Variants in NARF observed in about 807,000 individuals in gnomAD.
The protein encoded by NARF is nuclear prelamin A recognition factor.
Under a neutral mutation model 48.0 loss-of-function variants are expected in NARF, and 41 were observed. The ratio of observed to expected loss-of-function variants is 0.85; its 90% confidence interval spans 0.66 to 1.11. The LOEUF is 1.11. Ranked by LOEUF, NARF falls within the 50% of genes least tolerant of loss-of-function variation. The pLI is 0.00. For missense variants in NARF, 613 were observed against 590.2 expected (o/e 1.04, Z -0.40); for synonymous variants, 215 against 225.5 (o/e 0.95, Z 0.42).
At chr17:82,466,942 C>T (rs1264802708) in intron 3 of NARF, among the ~76,000 whole-genome samples, 2 of 151,994 alleles carry the variant, frequency 1.3e-5, no homozygotes, top group African/African-American at 4.8e-5. Context: ...ATCCACCTGC[C>T]TTGGCCTCCC....
In NARF at chr17:82,484,835, A is replaced by T; in HGVS notation, c.856A>T (p.Lys286Ter). 1 of 1,608,432 alleles carries T rather than the reference A, an allele frequency of 6.2e-7. No homozygotes were observed. The highest frequency in any genetic ancestry group is 8.5e-7 in the Non-Finnish European group (1 of 1,177,322). ...DTLFGDLKED[K>*]VTRHDGASSD... ...GAGGTTTGGAGACTTGAAGGAGGAC[A>T]AAGTGACGCGTCATGATGGAGCCAG... The change falls in exon 9 of 11, where the codon AAA becomes TAA. Residue 286 changes from lysine to a stop codon, truncating the protein, a stop_gained. Coordinates refer to ENST00000309794, the MANE Select transcript of NARF (RefSeq NM_012336.4). LOFTEE classifies it high-confidence loss of function.
At position 82,458,833 on chromosome 17, in the gene NARF, G is replaced by T; in HGVS notation, c.27+3G>T. ...AGTGTGAGCACTGCACGCGCAAGGT[G>T]AGCGCCGCGGGCCGGGGAGGCGCGC... On this transcript the variant is annotated splice_donor_region_variant and intron_variant, in intron 1 of 10. Coordinates refer to ENST00000309794, the MANE Select transcript of NARF (RefSeq NM_012336.4). 7.1e-7 allele frequency: 1 copy of T among 1,408,748 alleles called. No individual in the cohort carries two copies. The highest frequency in any genetic ancestry group is 1.6e-5 in the South Asian group (1 of 62,658). 87.3% of individuals were successfully genotyped at this position (1,408,748 alleles called of 1,614,324 possible). A position where few individuals can be genotyped will look rare whatever the true frequency, so the allele number is the denominator to read the frequency against.
At chr17:82,469,389 T>C (rs1386570176) in intron 4 of NARF, among the ~76,000 whole-genome samples, 1 of 152,184 alleles carries the variant, frequency 6.6e-6, no homozygotes, top group Non-Finnish European at 1.5e-5. Context: ...ATAAAAGAAC[T>C]CGGATGTCAA....
In NARF at chr17:82,488,304, C is replaced by A. The variant is rs73369873; in HGVS notation, c.*147C>A. 1,104 of 1,287,096 alleles carry A rather than the reference C, an allele frequency of 8.6e-4. 10 individuals are homozygous for A. In the African/African-American group the frequency reaches 0.015, roughly 18 times the overall value. The allele number at this position is 1,287,096 out of a possible 1,614,324, so 79.7% of individuals were successfully genotyped here. A position where few individuals can be genotyped will look rare whatever the true frequency, so the allele number is the denominator to read the frequency against. ...GGTTTCTCCGAGTTCCCTGCTACCC[C>A]GTTTATTGGAGGCCCCTCAGGCAGT... On this transcript the variant is annotated 3_prime_UTR_variant, in exon 11 of 11. Coordinates refer to ENST00000309794, the MANE Select transcript of NARF (RefSeq NM_012336.4).
Position 82,468,877 on chromosome 17 carries a change from T to C in NARF, c.366T>C (p.Cys122=). 1 of 1,613,936 alleles carries C rather than the reference T, an allele frequency of 6.2e-7. No individual in the cohort carries two copies. Residue 122 remains cysteine, a synonymous_variant, in exon 4 of 11, where the codon TGT becomes TGC. Transcript: ENST00000309794. ...TAACTGATGCATCCAGAAGACTCTG[T>C]GGTTTCCTCAAAAGTCTTGGTGAGT... ...LSVTDASRRL[C]GFLKSLGVHY... is the part of the protein sequence containing the mutation.
intron 4 of NARF, among the ~76,000 whole-genome samples, chr17:82,470,987 A>G (rs1234018310): frequency 6.8e-6 from 1 of 147,680 alleles, no homozygotes; most frequent in Non-Finnish European, 1.5e-5. Flanking sequence ...ACATGGCAAA[A>G]CCCCATCTCC....
chr17:82,482,302 C>A, intron 7 of NARF: 1 of 383,420 alleles, frequency 2.6e-6, no homozygotes, highest in South Asian at 1.8e-5. Flanking sequence ...TAGGCACAGG[C>A]TCCCTGTGGG....
At chr17:82,459,614 C>T (rs774698710) in intron 1 of NARF, among the ~76,000 whole-genome samples, 1 of 152,204 alleles carries the variant, frequency 6.6e-6, no homozygotes, top group African/African-American at 2.4e-5. Flanking sequence ...CCTGTTATCC[C>T]AGCACCTTGG....
chr17:82,480,345 G>T, intron 6 of NARF: 1 of 401,382 alleles, frequency 2.5e-6, no homozygotes, highest in Non-Finnish European at 4.4e-6. Context: ...CTCCATGCTG[G>T]ACCAGCAACA....
chr17:82,475,809 C>T (rs1490606873), intron 5 of NARF, among the ~76,000 whole-genome samples: 1 of 152,144 alleles, frequency 6.6e-6, no homozygotes, highest in African/African-American at 2.4e-5. Context: ...CAGCAATCTG[C>T]TCAGGATTCA....
rs773415913 is a variant in NARF at position 82,484,810 on chromosome 17, G to A, written c.834-3G>A. On this transcript the variant is annotated splice_polypyrimidine_tract_variant and splice_region_variant and intron_variant, in intron 8 of 10. Coordinates refer to ENST00000309794, the MANE Select transcript of NARF (RefSeq NM_012336.4). Reference sequence around the variant, plus strand: ...AGGACTTGTATTTTCTCTGCCTTGTGAGGTTTGGAGACTTGAAGGAGGACA... The same window carrying A: ...AGGACTTGTATTTTCTCTGCCTTGTAAGGTTTGGAGACTTGAAGGAGGACA... 1.3e-6 allele frequency: 2 copies of A among 1,592,664 alleles called. No individual in the cohort carries two copies. The highest frequency in any genetic ancestry group is 3.6e-5 in the Admixed American group (2 of 56,152).
Position 82,485,740 on chromosome 17 carries a change from C to T in NARF, c.1129+86C>T, listed in dbSNP as rs535820672. 8 of 1,499,326 alleles carry T rather than the reference C, an allele frequency of 5.3e-6. No individual in the cohort carries two copies. The East Asian group carries it at 1.6e-4, about 30-fold the overall frequency. 92.9% of individuals were successfully genotyped at this position (1,499,326 alleles called of 1,614,324 possible). ...CTGCAGCTGCCAGAGAGATGGTGCT[C>T]TTGGCCACCCAGAGCCTCTCTCAGC... On this transcript the variant is annotated intron_variant, in intron 10 of 10. Transcript: ENST00000309794.
At chr17:82,477,360 C>T (rs571684555) in intron 5 of NARF, among the ~76,000 whole-genome samples, 5 of 151,918 alleles carry the variant, frequency 3.3e-5, no homozygotes, top group African/African-American at 1.2e-4. Context: ...AAAAATTGGC[C>T]ACACACGGTG....
chr17:82,482,425 C>T (rs2043990073), intron 7 of NARF: 1 of 183,324 alleles, frequency 5.5e-6, no homozygotes, highest in African/African-American at 2.4e-5. Context: ...CAAAATAAAA[C>T]ATGCGCGGTG....
At chr17:82,468,664 G>T in intron 3 of NARF, 100 bp from the exon 4 acceptor site, 4 of 1,122,748 alleles carry the variant, frequency 3.6e-6, no homozygotes, top group South Asian at 1.5e-5. Context: ...TCTTTGCATA[G>T]ACCATCTATT....
At chr17:82,467,388 A>G (rs893048694) in intron 3 of NARF, among the ~76,000 whole-genome samples, 14 of 152,104 alleles carry the variant, frequency 9.2e-5, no homozygotes, top group East Asian at 3.8e-4. Flanking sequence ...TGCGCTGCCA[A>G]CATCTAGTTT....
intron 7 of NARF, among the ~76,000 whole-genome samples, 180 bp downstream of exon 7, chr17:82,481,391 A>G (rs2043961790): frequency 6.6e-6 from 1 of 152,128 alleles, no homozygotes; most frequent in African/African-American, 2.4e-5. Flanking sequence ...GAGAAGGGTC[A>G]TGTTCGATCT....
intron 1 of NARF, chr17:82,459,132 C>T (rs2043364714): frequency 1.2e-5 from 14 of 1,162,640 alleles, no homozygotes; most frequent in Non-Finnish European, 1.5e-5. Context: ...GAGTAAACAG[C>T]GGTCGTGGCG....
rs188741478 is a variant in NARF at position 82,481,241 on chromosome 17, G to A, written c.769+30G>A. 7.4e-5 allele frequency: 120 copies of A among 1,611,604 alleles called. 1 individual carries two copies. The South Asian group carries it at 1.0e-3, about 14-fold the overall frequency. On this transcript the variant is annotated intron_variant, in intron 7 of 10. Coordinates refer to ENST00000309794, the MANE Select transcript of NARF (RefSeq NM_012336.4). ...GAGGTGGGCGGGGGTGCACCTGGGC[G>A]CTGGGGTAATCTCCTACTGGCCAGT...
Sources: allele counts gnomAD v4.1 joint callset (sites outside exome capture counted in the v4.1 genomes callset), GRCh38; gene constraint gnomAD v4.1.1; transcripts MANE v1.5; gene names NCBI Gene and HGNC (gene_info 2026-07-23, HGNC 2026-07-21).